Variants in KAT2B observed in about 807,000 individuals in gnomAD.
KAT2B encodes lysine acetyltransferase 2B.
Under a neutral mutation model 105.9 loss-of-function variants are expected in KAT2B, and 36 were observed. The ratio of observed to expected loss-of-function variants is 0.34; its 90% CI spans 0.26 to 0.45. The LOEUF is 0.45. Ranked by LOEUF, KAT2B falls within the 20% of genes least tolerant of loss-of-function variation. The probability of loss-of-function intolerance (pLI) is 1.00; values close to 1 mark genes in which losing one functional copy is unlikely to be tolerated. For synonymous variants in KAT2B, 397 were observed against 377.9 expected (o/e 1.05, Z -0.59); for missense variants, 820 against 1,021.6 (o/e 0.80, Z 2.69).
intron 1 of KAT2B, among the ~76,000 whole-genome samples, chr3:20,052,299 CCTAT>C (rs1293406797): frequency 6.6e-6 from 1 of 152,170 alleles, no homozygotes; most frequent in Non-Finnish European, 1.5e-5. Flanking sequence ...AAAATGATTT[CCTAT>C]CTGTTTTCCT....
intron 1 of KAT2B, among the ~76,000 whole-genome samples, chr3:20,051,256 G>A (rs1289141152): frequency 6.6e-6 from 1 of 151,346 alleles, no homozygotes; most frequent in African/African-American, 2.4e-5. Context: ...ACTTGGCCAA[G>A]TAGATGTAGA....
rs1250461204 is a variant in KAT2B, at chr3:20,152,632, A to C, written c.*107A>C. The C allele has an allele frequency of 2.5e-6, 2 of 809,718 alleles. No individual in the cohort carries two copies. Among genetic ancestry groups the C allele is most frequent in the Non-Finnish European group, 3.8e-6 (2 of 528,878 alleles). 50.2% of individuals were successfully genotyped at this position (809,718 alleles called of 1,614,324 possible). On this transcript the variant is annotated 3_prime_UTR_variant, in exon 18 of 18. Transcript: ENST00000263754. ...ACATGATGTATTGAAGAGACTTGTA[A>C]ATGTAATAATTAGCACTTTTGAAAA...
intron 1 of KAT2B, among the ~76,000 whole-genome samples, chr3:20,062,072 A>C (rs1352003837): frequency 9.7e-6 from 1 of 103,186 alleles, no homozygotes; most frequent in Non-Finnish European, 1.7e-5. Flanking sequence ...TATATATAAA[A>C]CATATAATAT....
intron 7 of KAT2B, among the ~76,000 whole-genome samples, chr3:20,117,396 T>C (rs373230455): frequency 1.1e-4 from 17 of 152,200 alleles, no homozygotes; most frequent in East Asian, 9.6e-4. Flanking sequence ...TGCGTATCGA[T>C]GCAACTGTGA....
chr3:20,075,324 G>C (rs1050167384), intron 2 of KAT2B, among the ~76,000 whole-genome samples: 5 of 151,504 alleles, frequency 3.3e-5, no homozygotes, highest in Admixed American at 6.6e-5. Flanking sequence ...ACTCAACACA[G>C]AACACTTCTG....
At position 20,042,904 on chromosome 3, in the gene KAT2B, C is replaced by CT. The variant is rs560877108; in HGVS notation, c.303+2137dup. Among the ~76,000 whole-genome samples, 1,303 of 145,702 alleles carry CT rather than the reference C, an allele frequency of 8.9e-3. 17 individuals carry two copies. Among genetic ancestry groups the CT allele is most frequent in the South Asian group, 0.028 (128 of 4,616 alleles). On this transcript the variant is annotated intron_variant, in intron 1 of 17. Coordinates refer to ENST00000263754, the MANE Select transcript of KAT2B (RefSeq NM_003884.5). ...AGAAAGAGAAAATTTATTTTAACGT[C>CT]TTTTTTTTTTTTTGAGACAGGGTCT...
chr3:20,115,750 G>A (rs1456579620), intron 7 of KAT2B, among the ~76,000 whole-genome samples: 2 of 152,116 alleles, frequency 1.3e-5, no homozygotes, highest in African/African-American at 4.8e-5. Context: ...CAGACAGATT[G>A]CCTTGTACTT....
chr3:20,062,144 A>G (rs1300274550), intron 1 of KAT2B, among the ~76,000 whole-genome samples: 2 of 92,328 alleles, frequency 2.2e-5, no homozygotes, highest in Non-Finnish European at 3.7e-5. Context: ...AATATATAAT[A>G]TATAAAAATA....
intron 9 of KAT2B, among the ~76,000 whole-genome samples, chr3:20,125,308 A>G (rs2125178034): frequency 6.8e-6 from 1 of 147,676 alleles, no homozygotes; most frequent in African/African-American, 2.6e-5. Context: ...CCGTCTCAGA[A>G]AAAAAAAAAA....
chr3:20,069,599 C>T (rs1698283552), intron 1 of KAT2B, among the ~76,000 whole-genome samples: 1 of 150,922 alleles, frequency 6.6e-6, no homozygotes, highest in Non-Finnish European at 1.5e-5. Flanking sequence ...AATCTCAGCT[C>T]ACGGCAACCT....
At chr3:20,113,976 A>G (rs1699163833) in intron 6 of KAT2B, among the ~76,000 whole-genome samples, 1 of 152,172 alleles carries the variant, frequency 6.6e-6, no homozygotes, top group South Asian at 2.1e-4. Context: ...CACCACTCTG[A>G]ACTATTTTTA....
chr3:20,140,796 A>G (rs557034441), intron 13 of KAT2B, among the ~76,000 whole-genome samples: 35 of 151,900 alleles, frequency 2.3e-4, no homozygotes, highest in Non-Finnish European at 4.3e-4. Flanking sequence ...CTGGCCATAG[A>G]TTTCTTTAAA....
At position 20,072,426 on chromosome 3, in the gene KAT2B, A is replaced by T. The variant is rs769459234; in HGVS notation, c.397A>T (p.Thr133Ser). Residue 133 changes from threonine (T) to serine (S), a missense_variant, in exon 2 of 18, where the codon ACA (threonine) becomes TCA (serine). Around this residue, in one of 6 missense-constraint regions of KAT2B, gnomAD observed 190 missense variants for 176.7 expected, o/e 1.08. Transcript: ENST00000263754. Reference protein sequence around the residue: ...ADLQQIIVSLTESCRSCSHAL... With the variant: ...ADLQQIIVSLSESCRSCSHAL... ...CCTGCAGCAAATAATTGTCAGTCTA[A>T]CAGAATCCTGTCGGAGTTGTAGCCA... The T allele has an allele frequency of 1.2e-6, 2 of 1,613,956 alleles. No homozygotes were observed. The highest frequency in any genetic ancestry group is 1.7e-6 in the Non-Finnish European group (2 of 1,179,810).
At chr3:20,151,987 C>CT (rs564036965) in intron 17 of KAT2B, among the ~76,000 whole-genome samples, 9 of 152,238 alleles carry the variant, frequency 5.9e-5, no homozygotes, top group African/African-American at 2.2e-4. Context: ...AGAGCCTCTT[C>CT]TGTATAATTC....
intron 9 of KAT2B, among the ~76,000 whole-genome samples, chr3:20,125,088 C>G (rs1446929734): frequency 6.6e-6 from 1 of 151,956 alleles, no homozygotes; most frequent in African/African-American, 2.4e-5. Flanking sequence ...TTTGGGAGGC[C>G]GAGGCGGGCA....
intron 4 of KAT2B, 75 bp from the exon 5 acceptor site, chr3:20,101,212 A>G: frequency 8.3e-7 from 1 of 1,206,080 alleles, no homozygotes; most frequent in Non-Finnish European, 1.2e-6. Flanking sequence ...ACCACCAATC[A>G]TGCTGGCTGT....
intron 1 of KAT2B, among the ~76,000 whole-genome samples, chr3:20,049,139 T>C (rs930368528): frequency 4.6e-5 from 7 of 152,066 alleles, no homozygotes; most frequent in Non-Finnish European, 1.0e-4. Context: ...GGATTACAGG[T>C]GTGAGCCACC....
intron 11 of KAT2B, among the ~76,000 whole-genome samples, chr3:20,136,429 C>T (rs3804561): frequency 0.26 from 39,472 of 152,030 alleles, 8,005 homozygotes; most frequent in East Asian, 0.62. Flanking sequence ...ATTTAAAATG[C>T]TATGTATGTG....
At chr3:20,122,850 T>G (rs1373415882) in intron 9 of KAT2B, 46 bp downstream of exon 9, 3 of 1,561,240 alleles carry the variant, frequency 1.9e-6, no homozygotes, top group South Asian at 2.4e-5. Flanking sequence ...CCTCTTCTGC[T>G]CTCCTGGCCA....
Sources: allele counts gnomAD v4.1 joint callset (sites outside exome capture counted in the v4.1 genomes callset), GRCh38; gene constraint gnomAD v4.1.1; regional missense constraint gnomAD v4.1.1; transcripts MANE v1.5; gene names NCBI Gene and HGNC (gene_info 2026-07-23, HGNC 2026-07-21).